Variants in FGF5 observed in about 807,000 individuals in gnomAD.
FGF5 encodes fibroblast growth factor 5, also known as heparin-binding growth factor 5.
In FGF5, 23 loss-of-function variants were observed where a neutral mutation model predicts 21.8. The observed-to-expected ratio is 1.05, with a 90% CI of 0.76 to 1.49. The LOEUF (loss-of-function observed/expected upper bound fraction) is 1.49. Ranked by LOEUF, FGF5 falls within the 40% of genes most tolerant of loss-of-function variation. The pLI is 0.00. For synonymous variants in FGF5, 158 were observed against 124.0 expected, an observed-to-expected ratio of 1.27 and a Z score of -1.82; for missense variants, 352 against 332.9, an observed-to-expected ratio of 1.06 and a Z score of -0.45.
chr4:80,272,180 T>C (rs1720288560), intron 1 of FGF5, among the ~76,000 whole-genome samples: 1 of 152,216 alleles, frequency 6.6e-6, no homozygotes, highest in South Asian at 2.1e-4. Context: ...ATCTCCTGCA[T>C]TCTTTATAAT....
rs1005613055 is a variant in FGF5, at chr4:80,284,481, A to G, written c.460-1844A>G. 2.6e-4 allele frequency among the ~76,000 whole-genome samples: 39 copies of G among 151,820 alleles called. 3 individuals are homozygous for G. The highest frequency in any genetic ancestry group is 1.8e-3 in the Admixed American group (27 of 15,238). On this transcript the variant is annotated intron_variant, in intron 2 of 2. Transcript: ENST00000312465. ...CAACAACAACAACAACAACAAAGAA[A>G]CAAACAAAAAATACTTGCCTTCAGC... is the stretch of plus-strand genomic sequence containing the variant.
chr4:80,286,827 G>A lies in FGF5; in HGVS notation c.*155G>A. On this transcript the variant is annotated 3_prime_UTR_variant, in exon 3 of 3. Coordinates refer to ENST00000312465, the MANE Select transcript of FGF5 (RefSeq NM_004464.4). ...TGTTTCAATGTGACTGAAACAAAAT[G>A]TTTTTTGATAGGAAGGAAACTGGAA... is the stretch of plus-strand genomic sequence containing the variant. The A allele has an allele frequency of 1.6e-6, 1 of 613,684 alleles. No homozygotes were observed. The highest frequency in any genetic ancestry group is 2.8e-6 in the Non-Finnish European group (1 of 355,300). 38.0% of individuals were successfully genotyped at this position (613,684 alleles called of 1,614,324 possible). A position where few individuals can be genotyped will look rare whatever the true frequency, so the allele number is the denominator to read the frequency against.
intron 2 of FGF5, among the ~76,000 whole-genome samples, chr4:80,277,829 A>C (rs937640200): frequency 2.0e-5 from 3 of 152,248 alleles, no homozygotes; most frequent in African/African-American, 7.2e-5. Flanking sequence ...CCCCCACTGT[A>C]CTGAGAAATA....
rs34300080 is a variant in FGF5, at chr4:80,286,285, T to C, written c.460-40T>C. On this transcript the variant is annotated intron_variant, in intron 2 of 2. Transcript: ENST00000312465. Reference sequence around the variant, plus strand: ...TATGTTTTATTACATGCTGAAAAGATCGCCACAACTTAAATTTCCTCTTTT... The same window carrying C: ...TATGTTTTATTACATGCTGAAAAGACCGCCACAACTTAAATTTCCTCTTTT... The C allele has an allele frequency of 1.1e-3, 1,459 of 1,385,708 alleles. 9 individuals are homozygous for C. In the African/African-American group the frequency reaches 0.015, roughly 14 times the overall value. 85.8% of individuals were successfully genotyped at this position (1,385,708 alleles called of 1,614,324 possible). A position where few individuals can be genotyped will look rare whatever the true frequency, so the allele number is the denominator to read the frequency against.
At chr4:80,276,641 C>T (rs1175072200) in intron 2 of FGF5, among the ~76,000 whole-genome samples, 1 of 151,536 alleles carries the variant, frequency 6.6e-6, no homozygotes, top group African/African-American at 2.4e-5. Flanking sequence ...TTACCCCCAG[C>T]CCCCTCCCCT....
rs1326345172 is a variant in FGF5, at chr4:80,266,948, A to G, written c.124A>G (p.Arg42Gly). Residue 42 changes from arginine to glycine, a missense_variant, in exon 1 of 3, where the codon AGA (arginine) becomes GGA (glycine). Coordinates refer to ENST00000312465, the MANE Select transcript of FGF5 (RefSeq NM_004464.4). ...ACCCGCTGCCACTGATAGGAACCCT[A>G]GAGGCTCCAGCAGCAGACAGAGCAG... is the stretch of plus-strand genomic sequence containing the variant. Reference protein sequence around the residue: ...PGPAATDRNPRGSSSRQSSSS... With the variant: ...PGPAATDRNPGGSSSRQSSSS... The G allele has an allele frequency of 6.2e-7, 1 of 1,614,196 alleles. No individual in the cohort carries two copies. The highest frequency in any genetic ancestry group is 1.1e-5 in the South Asian group (1 of 91,084).
At chr4:80,267,233 G>A (rs1720122916) in intron 1 of FGF5, 54 bp downstream of exon 1, 6 of 1,416,072 alleles carry the variant, frequency 4.2e-6, no homozygotes, top group Non-Finnish European at 5.8e-6. Context: ...GGAAGATTCG[G>A]GAGGGACAGC....
rs993930892 is a variant in FGF5 at position 80,289,862 on chromosome 4, T to C, written c.*3190T>C. Reference sequence around the variant, plus strand: ...CAAGTTTGTGTATATATTATAAAAATTACATATATAAAACTAAGGCTTTTA... The same window carrying C: ...CAAGTTTGTGTATATATTATAAAAACTACATATATAAAACTAAGGCTTTTA... On this transcript the variant is annotated 3_prime_UTR_variant, in exon 3 of 3. Coordinates refer to ENST00000312465, the MANE Select transcript of FGF5 (RefSeq NM_004464.4). The C allele has an allele frequency of 6.6e-6, 1 of 152,124 alleles. No individual in the cohort carries two copies. The highest frequency in any genetic ancestry group is 2.4e-5 in the African/African-American group (1 of 41,438). 9.4% of individuals were successfully genotyped at this position (152,124 alleles called of 1,614,324 possible).
In FGF5 at chr4:80,271,745, A is replaced by G. The variant is rs35378149; in HGVS notation, c.356-3164A>G. Among the ~76,000 whole-genome samples the G allele has an allele frequency of 5.3e-3, 815 of 152,346 alleles. 6 individuals are homozygous for G. The highest frequency in any genetic ancestry group is 0.017 in the African/African-American group (725 of 41,584). On this transcript the variant is annotated intron_variant, in intron 1 of 2. Transcript: ENST00000312465. Reference sequence around the variant, plus strand: ...GCTTAGAAATACTGCCTTGGCATCCATAAGGAGAATTGTAAGTTTCCATCA... The same window carrying G: ...GCTTAGAAATACTGCCTTGGCATCCGTAAGGAGAATTGTAAGTTTCCATCA...
At chr4:80,283,939 GA>G (rs1720638120) in intron 2 of FGF5, among the ~76,000 whole-genome samples, 1 of 152,072 alleles carries the variant, frequency 6.6e-6, no homozygotes, top group Admixed American at 6.6e-5. Flanking sequence ...AATTAAATGG[GA>G]AAACCATTTT....
intron 2 of FGF5, among the ~76,000 whole-genome samples, chr4:80,280,546 G>T (rs1720522992): frequency 6.6e-6 from 1 of 152,194 alleles, no homozygotes; most frequent in South Asian, 2.1e-4. Context: ...CTAGGAATCA[G>T]AAGATGCAAT....
At position 80,286,740 on chromosome 4, in the gene FGF5, C is replaced by T. The variant is rs1052463259; in HGVS notation, c.*68C>T. 1 of 1,254,568 alleles carries T rather than the reference C, an allele frequency of 8.0e-7. No homozygotes were observed. Among genetic ancestry groups the T allele is most frequent in the Non-Finnish European group, 1.1e-6 (1 of 891,038 alleles). 77.7% of individuals were successfully genotyped at this position (1,254,568 alleles called of 1,614,324 possible). Reference sequence around the variant, plus strand: ...AGTTTCTATAGGTGTCTTCAGAGTTCTGAAGAAAAATTACTGGACACAGCT... The same window carrying T: ...AGTTTCTATAGGTGTCTTCAGAGTTTTGAAGAAAAATTACTGGACACAGCT... On this transcript the variant is annotated 3_prime_UTR_variant, in exon 3 of 3. Transcript: ENST00000312465.
intron 1 of FGF5, chr4:80,268,427 A>G (rs1012385986): frequency 2.1e-6 from 2 of 954,298 alleles, no homozygotes; most frequent in Admixed American, 1.2e-4. Flanking sequence ...AGATGTTCCT[A>G]ACTTGCTCCA....
At position 80,275,024 on chromosome 4, in the gene FGF5, C is replaced by T; in HGVS notation, c.459+12C>T. The T allele has an allele frequency of 8.3e-7, 1 of 1,211,356 alleles. No individual in the cohort carries two copies. Among genetic ancestry groups the T allele is most frequent in the Admixed American group, 1.9e-5 (1 of 52,610 alleles). The allele number at this position is 1,211,356 out of a possible 1,614,324, so 75.0% of individuals were successfully genotyped here. On this transcript the variant is annotated intron_variant, in intron 2 of 2. Coordinates refer to ENST00000312465, the MANE Select transcript of FGF5 (RefSeq NM_004464.4). ...AACTCCATGCAAGTGTAAGTAGAACCACTTTATATTTGTTAAAGGTGCTAT... is the reference window on the plus strand; with the variant it reads ...AACTCCATGCAAGTGTAAGTAGAACTACTTTATATTTGTTAAAGGTGCTAT...
chr4:80,272,124 G>A (rs1448204449), intron 1 of FGF5, among the ~76,000 whole-genome samples: 2 of 152,140 alleles, frequency 1.3e-5, no homozygotes, highest in Admixed American at 6.5e-5. Context: ...CAATACCAAA[G>A]TTACTCACGT....
Position 80,286,573 on chromosome 4 carries a change from G to T in FGF5, c.708G>T (p.Lys236Asn). ...CTTTCACGGTTACTGTTCCTGAAAAGAAAAAGCCACCTAGCCCTATCAAGC... is the reference window on the plus strand; with the variant it reads ...CTTTCACGGTTACTGTTCCTGAAAATAAAAAGCCACCTAGCCCTATCAAGC... The part of the protein sequence containing the change: ...ELSFTVTVPE[K>N]KKPPSPIKPK... Residue 236 changes from lysine (K) to asparagine (N), a missense_variant, in exon 3 of 3, where the codon AAG becomes AAT. Coordinates refer to ENST00000312465, the MANE Select transcript of FGF5 (RefSeq NM_004464.4). The T allele has an allele frequency of 6.2e-7, 1 of 1,614,020 alleles. No individual in the cohort carries two copies. Among genetic ancestry groups the T allele is most frequent in the East Asian group, 2.2e-5 (1 of 44,870 alleles).
At chr4:80,268,411 G>T (rs1560497100) in intron 1 of FGF5, 1 of 835,208 alleles carries the variant, frequency 1.2e-6, no homozygotes, top group Non-Finnish European at 1.4e-6. Flanking sequence ...CAGCCTGGTT[G>T]CTCCTAGATG....
Position 80,287,456 on chromosome 4 carries a change from C to CT in FGF5, c.*789dup, listed in dbSNP as rs1391822971. 6.6e-6 allele frequency: 1 copy of CT among 152,018 alleles called. No individual in the cohort carries two copies. The highest frequency in any genetic ancestry group is 1.5e-5 in the Non-Finnish European group (1 of 68,010). The allele number at this position is 152,018 out of a possible 1,614,324, so 9.4% of individuals were successfully genotyped here. A position where few individuals can be genotyped will look rare whatever the true frequency, so the allele number is the denominator to read the frequency against. On this transcript the variant is annotated 3_prime_UTR_variant, in exon 3 of 3. Coordinates refer to ENST00000312465, the MANE Select transcript of FGF5 (RefSeq NM_004464.4). ...TAGAAGCAAGGAGAAAATATAAGGACTTTTTGATGGAATTAAATGTGGGAG... is the reference window on the plus strand; with the variant it reads ...TAGAAGCAAGGAGAAAATATAAGGACTTTTTTGATGGAATTAAATGTGGGAG...
chr4:80,289,644 AAATAGAAATTT>A lies in FGF5; in HGVS notation c.*2973_*2983del. 6.6e-6 allele frequency: 1 copy of A among 152,148 alleles called. No individual in the cohort carries two copies. The highest frequency in any genetic ancestry group is 1.9e-4 in the East Asian group (1 of 5,184). The allele number at this position is 152,148 out of a possible 1,614,324, so 9.4% of individuals were successfully genotyped here. ...CTTTATGTGGAACATCTATAGAGAT[AAATAGAAATTT>A]TCAATAAGATGTAGTAACACTGTGA... is the stretch of plus-strand genomic sequence containing the variant. On this transcript the variant is annotated 3_prime_UTR_variant, in exon 3 of 3. Coordinates refer to ENST00000312465, the MANE Select transcript of FGF5 (RefSeq NM_004464.4).
Sources: allele counts gnomAD v4.1 joint callset (sites outside exome capture counted in the v4.1 genomes callset), GRCh38; gene constraint gnomAD v4.1.1; transcripts MANE v1.5; gene names NCBI Gene and HGNC (gene_info 2026-07-23, HGNC 2026-07-21).